Variants in FAM153A observed in about 807,000 individuals in gnomAD.
FAM153A encodes the protein family with sequence similarity 153 member A, also known as protein FAM153A.
FAM153A carries 12 observed loss-of-function variants against 48.1 expected under a neutral mutation model. The ratio of observed to expected loss-of-function variants is 0.25; its 90% confidence interval spans 0.16 to 0.40. The LOEUF (loss-of-function observed/expected upper bound fraction) is 0.40, where lower values mean the gene tolerates loss of function less well. Ranked by LOEUF, FAM153A falls within the 10% of genes least tolerant of loss-of-function variation. FAM153A has a pLI of 1.00. For synonymous variants in FAM153A, 36 were observed against 118.2 expected, an observed-to-expected ratio of 0.30 and a Z score of 4.51; for missense variants, 111 against 345.8, an observed-to-expected ratio of 0.32 and a Z score of 5.38.
the FAM153A span, among the ~76,000 whole-genome samples, chr5:177,702,883 G>A: frequency 4.7e-3 from 709 of 152,124 alleles, 5 homozygotes; most frequent in Non-Finnish European, 8.1e-3. Context: ...GTATAGAAAA[G>A]CCTGAATGTC....
chr5:177,743,201 GTTT>G (rs1191782624), intron 6 of FAM153A, among the ~76,000 whole-genome samples: 43 of 86,420 alleles, frequency 5.0e-4, no homozygotes, highest in African/African-American at 8.1e-4. Flanking sequence ...TTTTTTTTTT[GTTT>G]TGTTTTTTTT....
rs866316678 is a variant in FAM153A at position 177,766,027 on chromosome 5, G to C, written c.-57+14422C>G. On this transcript the variant is annotated intron_variant, in intron 1 of 8. Transcript: ENST00000393518. ...AGCTACTCAGGAGGCTGAGGCAGGA[G>C]AATCGCTTGAACTCGGGCGGCAGAG... Among the ~76,000 whole-genome samples the C allele has an allele frequency of 9.4e-4, 102 of 108,570 alleles. 24 individuals carry two copies. The highest frequency in any genetic ancestry group is 3.0e-3 in the African/African-American group (98 of 32,990). The allele number at this position is 108,570 out of a possible 152,430, so 71.2% of individuals were successfully genotyped here. A position where few individuals can be genotyped will look rare whatever the true frequency, so the allele number is the denominator to read the frequency against.
intron 4 of FAM153A, among the ~76,000 whole-genome samples, chr5:177,746,789 C>CGAGATGGGCACCAG (rs2127675839): frequency 6.6e-6 from 1 of 151,774 alleles, no homozygotes; most frequent in Non-Finnish European, 1.5e-5. Flanking sequence ...TTCCAGCAGA[C>CGAGATGGGCACCAG]GAGATGGGCA....
intron 12 of FAM153A, among the ~76,000 whole-genome samples, chr5:177,735,361 TC>T (rs1764545089): frequency 1.7e-5 from 2 of 114,588 alleles, no homozygotes; most frequent in Admixed American, 9.2e-5. Flanking sequence ...TTACTAACTT[TC>T]TGGTACAAGG....
chr5:177,706,188 GTTTT>G (rs1485163571), downstream of FAM153A, among the ~76,000 whole-genome samples: 1 of 144,208 alleles, frequency 6.9e-6, no homozygotes, highest in African/African-American at 2.5e-5. Flanking sequence ...GAAAAAATAT[GTTTT>G]TTTTGTTGTT....
chr5:177,706,962 AT>A (rs1234116172), downstream of FAM153A: 1 of 151,998 alleles, frequency 6.6e-6, no homozygotes, highest in East Asian at 1.9e-4. Context: ...AATAAAGGTC[AT>A]TATAAAACGA....
chr5:177,704,311 C>A (rs1403435908), downstream of FAM153A, among the ~76,000 whole-genome samples: 1 of 64,482 alleles, frequency 1.6e-5, no homozygotes, highest in Non-Finnish European at 2.9e-5. Context: ...ACCATGGAGG[C>A]GGTTTCTCTG....
At chr5:177,761,542 G>A (rs1009095491) in intron 1 of FAM153A, among the ~76,000 whole-genome samples, 48 of 150,514 alleles carry the variant, frequency 3.2e-4, no homozygotes, top group Non-Finnish European at 5.2e-4. Context: ...ACTCAGCAAT[G>A]CACATGCTAA....
At position 177,739,566 on chromosome 5, in the gene FAM153A, A is replaced by G. The variant is rs200795224; in HGVS notation, c.537+34T>C. 491 of 543,646 alleles carry G rather than the reference A, an allele frequency of 9.0e-4. 72 individuals carry two copies. The South Asian group carries it at 0.011, about 12-fold the overall frequency. 33.7% of individuals were successfully genotyped at this position (543,646 alleles called of 1,614,324 possible). A position where few individuals can be genotyped will look rare whatever the true frequency, so the allele number is the denominator to read the frequency against. ...AATTGAAAGAAACCTAGGAAAATGA[A>G]ATTCCCCTTTCAGACAAAAAAAGAA... is the stretch of plus-strand genomic sequence containing the variant. On this transcript the variant is annotated intron_variant, in intron 9 of 20. Coordinates refer to ENST00000614127, the Ensembl canonical transcript of FAM153A.
At chr5:177,695,223 G>T in the FAM153A span, among the ~76,000 whole-genome samples, 1 of 143,952 alleles carries the variant, frequency 6.9e-6, no homozygotes, top group African/African-American at 2.7e-5. Flanking sequence ...CACCCTGCCT[G>T]TAATTTTAGT....
Position 177,764,562 on chromosome 5 carries a change from C to A in FAM153A, c.-56-15863G>T, listed in dbSNP as rs376644478. Among the ~76,000 whole-genome samples the A allele has an allele frequency of 9.7e-5, 12 of 124,072 alleles. 4 individuals carry two copies. The East Asian group carries it at 3.1e-3, about 32-fold the overall frequency. The allele number at this position is 124,072 out of a possible 152,430, so 81.4% of individuals were successfully genotyped here. A position where few individuals can be genotyped will look rare whatever the true frequency, so the allele number is the denominator to read the frequency against. ...CCCAGTAAAAGCAGCAGTGAACAAC[C>A]AGGCTGGCCTCAGGAGGACAGCTTT... On this transcript the variant is annotated intron_variant, in intron 1 of 8. Transcript: ENST00000393518.
upstream of FAM153A, among the ~76,000 whole-genome samples, chr5:177,758,090 C>G (rs1767931315): frequency 2.1e-5 from 3 of 140,976 alleles, no homozygotes; most frequent in Admixed American, 7.1e-5. Context: ...CGTCTCAGCC[C>G]AAAATCTCCT....
intron 4 of FAM153A, among the ~76,000 whole-genome samples, chr5:177,746,147 C>T (rs1765952799): frequency 1.3e-5 from 2 of 151,578 alleles, no homozygotes; most frequent in African/African-American, 4.9e-5. Context: ...TTCAACTCTG[C>T]AGCATGTCCA....
chr5:177,698,401 C>T, the FAM153A span, among the ~76,000 whole-genome samples: 4 of 151,916 alleles, frequency 2.6e-5, no homozygotes, highest in African/African-American at 9.7e-5. Flanking sequence ...AATGCCTGCC[C>T]TGTCCAGCTG....
chr5:177,759,474 C>A (rs1290925501), intron 1 of FAM153A, among the ~76,000 whole-genome samples: 1 of 151,638 alleles, frequency 6.6e-6, no homozygotes, highest in South Asian at 2.1e-4. Context: ...GGGTATATAC[C>A]CAGAGGATTA....
At chr5:177,696,187 G>T in the FAM153A span, among the ~76,000 whole-genome samples, 9 of 128,398 alleles carry the variant, frequency 7.0e-5, no homozygotes, top group Non-Finnish European at 1.2e-4. Context: ...TCCTAGATGG[G>T]GCGGCCGGGC....
intron 1 of FAM153A, among the ~76,000 whole-genome samples, chr5:177,759,238 C>A (rs1478377385): frequency 6.6e-6 from 1 of 151,828 alleles, no homozygotes. Context: ...CACTGGCCAT[C>A]AGAGAAATGC....
At chr5:177,709,908 C>T (rs1490569638), downstream of FAM153A, among the ~76,000 whole-genome samples, 1 of 130,996 alleles carries the variant, frequency 7.6e-6, no homozygotes. Flanking sequence ...GTTGATCTGC[C>T]TATCTTGGCC....
In FAM153A at chr5:177,740,660, G is replaced by A. The variant is rs547021869; in HGVS notation, c.466+117C>T. 3.8e-4 allele frequency: 225 copies of A among 596,066 alleles called. 50 individuals carry two copies. The highest frequency in any genetic ancestry group is 6.6e-4 in the Admixed American group (17 of 25,940). The allele number at this position is 596,066 out of a possible 1,614,324, so 36.9% of individuals were successfully genotyped here. A position where few individuals can be genotyped will look rare whatever the true frequency, so the allele number is the denominator to read the frequency against. ...GCAGTGCCATGATCAAGGCTTAGGT[G>A]CAGCAAACCACCATGACACATTTAT... On this transcript the variant is annotated intron_variant, in intron 8 of 20. Coordinates refer to ENST00000614127, the Ensembl canonical transcript of FAM153A.
Sources: allele counts gnomAD v4.1 joint callset (sites outside exome capture counted in the v4.1 genomes callset), GRCh38; gene constraint gnomAD v4.1.1; transcripts MANE v1.5; gene names NCBI Gene and HGNC (gene_info 2026-07-23, HGNC 2026-07-21).